The following PCDHA8 variants were observed in gnomAD, a reference collection of about 807,000 sequenced individuals.
PCDHA8 encodes protocadherin alpha 8.
PCDHA8 carries 53 observed loss-of-function variants against 61.8 expected under a neutral mutation model. The observed-to-expected ratio is 0.86, with a 90% CI of 0.69 to 1.08. PCDHA8 has a LOEUF of 1.08. PCDHA8 is among the 50% of genes least tolerant of loss of function. The pLI, the probability that PCDHA8 is intolerant of heterozygous loss-of-function variation, is 0.00. For missense variants in PCDHA8, 1,293 were observed against 1,245.0 expected, an observed-to-expected ratio of 1.04 and a Z score of -0.58; for synonymous variants, 618 against 556.6, an observed-to-expected ratio of 1.11 and a Z score of -1.55.
At chr5:140,955,590 C>CTT (rs1554221986) in intron 1 of PCDHA8, among the ~76,000 whole-genome samples, 2 of 152,132 alleles carry the variant, frequency 1.3e-5, no homozygotes, top group East Asian at 3.9e-4. Context: ...AAACCTCTTT[C>CTT]TTTTATAAAT....
chr5:140,900,360 C>T (rs952432002), intron 1 of PCDHA8, among the ~76,000 whole-genome samples: 2 of 152,168 alleles, frequency 1.3e-5, no homozygotes, highest in Non-Finnish European at 2.9e-5. Flanking sequence ...TCACCGCAAC[C>T]TCTGCCTCCT....
chr5:140,884,014 G>T, intron 1 of PCDHA8: 2 of 1,613,168 alleles, frequency 1.2e-6, no homozygotes, highest in Non-Finnish European at 1.7e-6. Context: ...AGCTGATGCC[G>T]CGGTCGGTGG....
In PCDHA8 at chr5:140,841,805, G is replaced by C. The variant is rs1442483448; in HGVS notation, c.484G>C (p.Val162Leu). The C allele has an allele frequency of 6.2e-7, 1 of 1,613,818 alleles. No individual in the cohort carries two copies. The highest frequency in any genetic ancestry group is 1.3e-5 in the African/African-American group (1 of 74,868). Residue 162 changes from valine to leucine, a missense_variant, in exon 1 of 4, where the codon GTT becomes CTT. Physicochemically the swap from Val to Leu is conservative, Grantham distance 32. Coordinates refer to ENST00000531613, the MANE Select transcript of PCDHA8 (RefSeq NM_018911.3). The part of the protein sequence containing the change: ...FPLEGASDAD[V>L]GANSVLTYRL... The stretch of plus-strand genomic sequence containing the variant: ...GCTAGAGGGCGCGTCCGATGCAGAT[G>C]TTGGAGCTAACTCCGTGTTAACCTA...
At chr5:140,915,626 G>GTCTCTCTCTCTCTC (rs57920489) in intron 1 of PCDHA8, among the ~76,000 whole-genome samples, 21 of 146,534 alleles carry the variant, frequency 1.4e-4, no homozygotes, top group African/African-American at 5.0e-4. Context: ...GTCTCTTTCT[G>GTCTCTCTCTCTCTC]TCTCTCTCTC....
At chr5:140,848,525 G>A (rs1243766523) in intron 1 of PCDHA8, 1 of 1,594,042 alleles carries the variant, frequency 6.3e-7, no homozygotes, top group Non-Finnish European at 8.6e-7. Context: ...GAGATCCAGA[G>A]GGTCAGCCTC....
chr5:140,969,274 TG>T, intron 1 of PCDHA8: 1 of 1,614,158 alleles, frequency 6.2e-7, no homozygotes, highest in Non-Finnish European at 8.5e-7. Flanking sequence ...CAGGCCAAAG[TG>T]GTCAGAATGC....
intron 1 of PCDHA8, among the ~76,000 whole-genome samples, chr5:140,846,536 T>C (rs1215890170): frequency 1.3e-5 from 2 of 148,200 alleles, no homozygotes; most frequent in Admixed American, 1.4e-4. Context: ...CACCATGCCC[T>C]GCTAATTTTT....
At position 140,842,876 on chromosome 5, in the gene PCDHA8, G is replaced by T. The variant is rs2150347081; in HGVS notation, c.1555G>T (p.Ala519Ser). ...GCACACGGAGAGCGGCAAGGTGTAC[G>T]CGCTGCAGCCGCTGGACCACGAGGA... The part of the protein sequence containing the change: ...SVHTESGKVY[A>S]LQPLDHEELE... Residue 519 changes from alanine to serine, a missense_variant, in exon 1 of 4, where the codon GCG becomes TCG. Ala to Ser is a moderately conservative substitution (Grantham distance 99). Transcript: ENST00000531613. 5.9e-3 allele frequency: 9,472 copies of T among 1,593,878 alleles called. 1,015 individuals are homozygous for T. The African/African-American group carries it at 0.11, about 18-fold the overall frequency.
intron 1 of PCDHA8, chr5:140,884,124 G>T: frequency 6.2e-7 from 1 of 1,613,344 alleles, no homozygotes; most frequent in South Asian, 1.1e-5. Flanking sequence ...GTCGGCGCGC[G>T]CATCCCGTTC....
chr5:140,968,046 T>A (rs1554230254), intron 1 of PCDHA8: 2 of 1,614,072 alleles, frequency 1.2e-6, no homozygotes, highest in African/African-American at 1.3e-5. Context: ...AGCGGCCCAC[T>A]GGACCGAGAG....
intron 1 of PCDHA8, chr5:140,870,420 G>T (rs371557347): frequency 1.4e-5 from 23 of 1,614,116 alleles, no homozygotes; most frequent in Non-Finnish European, 1.9e-5. Flanking sequence ...CCACGGCCAG[G>T]GTATCCGTGG....
At chr5:140,899,494 T>C (rs1387191802) in intron 1 of PCDHA8, among the ~76,000 whole-genome samples, 3 of 152,250 alleles carry the variant, frequency 2.0e-5, no homozygotes, top group Admixed American at 2.0e-4. Flanking sequence ...GGATTACATT[T>C]ATTGATTTGC....
chr5:140,967,034 C>T (rs782810130), intron 1 of PCDHA8: 9 of 1,610,726 alleles, frequency 5.6e-6, no homozygotes, highest in Non-Finnish European at 2.5e-6. Flanking sequence ...TCCGCGCTAC[C>T]TGGAGCTGGA....
chr5:140,911,477 T>A (rs1457881834), intron 1 of PCDHA8, among the ~76,000 whole-genome samples: 2 of 152,132 alleles, frequency 1.3e-5, no homozygotes, highest in Non-Finnish European at 2.9e-5. Context: ...AGACTCTCAC[T>A]CAGGGCAATC....
chr5:140,967,925 C>T, intron 1 of PCDHA8: 1 of 1,614,224 alleles, frequency 6.2e-7, no homozygotes, highest in South Asian at 1.1e-5. Context: ...TGTGGCCGTT[C>T]TCAGTGTCAA....
At chr5:140,926,946 A>G in intron 1 of PCDHA8, 1 of 1,590,228 alleles carries the variant, frequency 6.3e-7, no homozygotes. Context: ...GCGGCGCTGC[A>G]GCGGGACAGC....
intron 1 of PCDHA8, among the ~76,000 whole-genome samples, chr5:140,957,226 C>T (rs1421287024): frequency 1.3e-5 from 2 of 152,080 alleles, no homozygotes; most frequent in African/African-American, 4.8e-5. Context: ...TTTGGCGAAG[C>T]ATTTTGGCAT....
chr5:140,876,650 T>G lies in PCDHA8; in HGVS notation c.2394+32935T>G, dbSNP rs782068706. 4 of 1,614,162 alleles carry G rather than the reference T, an allele frequency of 2.5e-6. No individual in the cohort carries two copies. In the South Asian group the frequency reaches 4.4e-5, roughly 18 times the overall value. ...GTCATCTGCTCACTGACACCTCATG[T>G]TCCCTTCAAGCTGGTGTCCACCTAC... On this transcript the variant is annotated intron_variant, in intron 1 of 3. Transcript: ENST00000531613.
intron 3 of PCDHA8, among the ~76,000 whole-genome samples, chr5:140,988,057 C>G (rs557714672): frequency 2.0e-4 from 30 of 152,188 alleles, no homozygotes; most frequent in Non-Finnish European, 3.7e-4. Context: ...GCACTGTCAA[C>G]ATGAATTTTT....
Sources: allele counts gnomAD v4.1 joint callset (sites outside exome capture counted in the v4.1 genomes callset), GRCh38; gene constraint gnomAD v4.1.1; transcripts MANE v1.5; gene names NCBI Gene and HGNC (gene_info 2026-07-23, HGNC 2026-07-21).